Variants in MREG observed in about 807,000 individuals in gnomAD.
MREG encodes the protein melanoregulin.
Under a neutral mutation model 28.5 loss-of-function variants are expected in MREG, and 31 were observed. The ratio of observed to expected loss-of-function variants is 1.09; its 90% CI spans 0.82 to 1.47. The LOEUF is 1.47. MREG is among the 40% of genes most tolerant of loss of function. The pLI is 0.00. For missense variants in MREG, 256 were observed against 257.4 expected (o/e 0.99, Z 0.04); for synonymous variants, 106 against 95.2 (o/e 1.11, Z -0.66).
At chr2:215,997,171 A>T (rs988627632) in intron 1 of MREG, among the ~76,000 whole-genome samples, 3 of 152,252 alleles carry the variant, frequency 2.0e-5, no homozygotes, top group Non-Finnish European at 4.4e-5. Context: ...GAAGCATAGT[A>T]AACTTGGAGT....
At chr2:215,968,619 C>A (rs1163261836) in intron 2 of MREG, among the ~76,000 whole-genome samples, 2 of 152,186 alleles carry the variant, frequency 1.3e-5, no homozygotes, top group African/African-American at 2.4e-5. Flanking sequence ...ATGCAGTGTT[C>A]CCTCTTACAA....
intron 1 of MREG, among the ~76,000 whole-genome samples, chr2:216,001,026 C>G (rs1186666041): frequency 5.3e-5 from 8 of 149,732 alleles, no homozygotes; most frequent in Admixed American, 2.0e-4. Context: ...CTGTCTCTGT[C>G]TCTCTTTCCT....
At chr2:215,975,864 T>C (rs922740859) in intron 2 of MREG, among the ~76,000 whole-genome samples, 1 of 152,062 alleles carries the variant, frequency 6.6e-6, no homozygotes, top group Non-Finnish European at 1.5e-5. Flanking sequence ...GGCGGGCAGA[T>C]TGCCTGAGGT....
upstream of MREG, among the ~76,000 whole-genome samples, chr2:216,015,136 T>TGCATGTGCGCGCATGTGTGCGCGCGC: frequency 1.3e-5 from 2 of 151,914 alleles, no homozygotes; most frequent in Middle Eastern, 3.4e-3. Context: ...TGTGCGCGCG[T>TGCATGTGCGCGCATGTGTGCGCGCGC]GCGTCTGTGC....
At position 215,947,087 on chromosome 2, in the gene MREG, G is replaced by A; in HGVS notation, c.282C>T (p.Ile94=). 2 of 1,612,858 alleles carry A rather than the reference G, an allele frequency of 1.2e-6. No individual in the cohort carries two copies. The highest frequency in any genetic ancestry group is 4.5e-5 in the East Asian group (2 of 44,860). ...CCCTTCGAACCTGCCGCAGGGTATG[G>A]ATATCATAGTTGAGCTTCTGCCACT... is the stretch of plus-strand genomic sequence containing the variant. ...SEEWQKLNYD[I]HTLRQVRREV... Residue 94 remains isoleucine (I), a synonymous_variant, in exon 3 of 5, where the codon ATC becomes ATT. Transcript: ENST00000263268.
chr2:215,987,293 C>T (rs13011126), intron 2 of MREG, among the ~76,000 whole-genome samples: 26,243 of 151,558 alleles, frequency 0.17, 2,511 homozygotes, highest in East Asian at 0.4. Flanking sequence ...TCACCCAGGC[C>T]AGAGTGCAGT....
chr2:215,983,445 T>C (rs573662236), intron 2 of MREG, among the ~76,000 whole-genome samples: 29 of 152,242 alleles, frequency 1.9e-4, no homozygotes, highest in Non-Finnish European at 3.8e-4. Context: ...AGGGATATGA[T>C]AGGCTAAGTG....
chr2:215,995,482 A>G, intron 2 of MREG, among the ~76,000 whole-genome samples: 1 of 151,370 alleles, frequency 6.6e-6, no homozygotes, highest in African/African-American at 2.4e-5. Flanking sequence ...AGGAAAAGAC[A>G]AGCTCCACAG....
chr2:216,016,108 G>A (rs1174640274), upstream of MREG, among the ~76,000 whole-genome samples: 1 of 152,164 alleles, frequency 6.6e-6, no homozygotes, highest in Non-Finnish European at 1.5e-5. Flanking sequence ...GCTTAGCTGG[G>A]GAGACAGGAT....
At chr2:216,019,794 C>A (rs186190866) in intron 1 of MREG, among the ~76,000 whole-genome samples, 2 of 151,682 alleles carry the variant, frequency 1.3e-5, no homozygotes, top group African/African-American at 4.9e-5. Context: ...CTTGAGTCAC[C>A]GCTTCCAGCC....
intron 4 of MREG, among the ~76,000 whole-genome samples, 197 bp downstream of exon 4, chr2:215,945,374 C>T (rs1292521749): frequency 6.6e-6 from 1 of 152,152 alleles, no homozygotes; most frequent in Non-Finnish European, 1.5e-5. Context: ...ACGTGTGATA[C>T]AGAAATCTGA....
chr2:216,008,168 C>T (rs1378789709), intron 1 of MREG, among the ~76,000 whole-genome samples: 3 of 151,966 alleles, frequency 2.0e-5, no homozygotes, highest in Admixed American at 6.6e-5. Context: ...TGAGTCACGC[C>T]GCTTGGGGCA....
intron 1 of MREG, among the ~76,000 whole-genome samples, chr2:216,030,948 TCTCTCTCTCACACACACACACA>T (rs1404796934): frequency 1.0e-5 from 1 of 97,396 alleles, no homozygotes; most frequent in East Asian, 2.5e-4. Flanking sequence ...TCTCTCTCTC[TCTCTCTCTCACACACACACACA>T]CACACACACA....
intron 1 of MREG, among the ~76,000 whole-genome samples, chr2:216,002,962 CTTCTCTCTCTCTTTTCTCTCTTTCT>C (rs1205738386): frequency 1.7e-4 from 25 of 150,184 alleles, no homozygotes; most frequent in African/African-American, 6.2e-4. Flanking sequence ...TCTCTCTTTC[CTTCTCTCTCTCTTTTCTCTCTTTCT>C]GTCTCTCCTT....
At chr2:215,973,581 T>C (rs1342698261) in intron 2 of MREG, among the ~76,000 whole-genome samples, 1 of 152,198 alleles carries the variant, frequency 6.6e-6, no homozygotes, top group Admixed American at 6.5e-5. Context: ...CGCAGGTCCC[T>C]GAGGCATGTC....
At chr2:215,957,998 T>A (rs914348006) in intron 2 of MREG, among the ~76,000 whole-genome samples, 4 of 150,328 alleles carry the variant, frequency 2.7e-5, no homozygotes, top group African/African-American at 9.8e-5. Context: ...CAGCAAACTA[T>A]CGCAAGGACA....
intron 1 of MREG, among the ~76,000 whole-genome samples, chr2:216,001,116 C>G (rs893740624): frequency 6.6e-6 from 1 of 152,054 alleles, no homozygotes; most frequent in Non-Finnish European, 1.5e-5. Context: ...GCATCTCTGT[C>G]TTTCCTCTCT....
chr2:216,027,380 G>A (rs1574663702), intron 1 of MREG, among the ~76,000 whole-genome samples: 1 of 152,284 alleles, frequency 6.6e-6, no homozygotes, highest in Middle Eastern at 3.4e-3. Context: ...TAACTTTGAA[G>A]TAAGAATAAT....
chr2:216,020,700 A>G (rs1364534600), intron 1 of MREG, among the ~76,000 whole-genome samples: 3 of 152,242 alleles, frequency 2.0e-5, no homozygotes, highest in Non-Finnish European at 4.4e-5. Context: ...CATCCATTGC[A>G]CTTGGTAATA....
Sources: gnomAD v4.1 joint callset for allele counts (sites outside exome capture counted in the v4.1 genomes callset) on GRCh38, gnomAD v4.1.1 for gene constraint, MANE v1.5 for transcripts, NCBI Gene and HGNC (gene_info 2026-07-23, HGNC 2026-07-21) for gene names.